Variants in CD247 observed in about 807,000 individuals in gnomAD.
CD247 encodes T-cell surface glycoprotein CD3 zeta chain.
CD247 carries 13 observed loss-of-function variants against 30.0 expected under a neutral mutation model. The ratio of observed to expected loss-of-function variants is 0.43; its 90% CI spans 0.28 to 0.69. The LOEUF is 0.69. CD247 is among the 30% of genes least tolerant of loss of function. The pLI is 0.16. For missense variants in CD247, 193 were observed against 212.6 expected (o/e 0.91, Z 0.57); for synonymous variants, 72 against 80.0 (o/e 0.90, Z 0.53).
At chr1:167,458,108 C>T (rs184662658) in intron 1 of CD247, among the ~76,000 whole-genome samples, 63 of 152,356 alleles carry the variant, frequency 4.1e-4, no homozygotes, top group Non-Finnish European at 7.5e-4. Flanking sequence ...TGTTTCTGTG[C>T]CTCCAAAATA....
At chr1:167,512,355 A>G (rs1365465308) in intron 1 of CD247, among the ~76,000 whole-genome samples, 1 of 152,148 alleles carries the variant, frequency 6.6e-6, no homozygotes, top group East Asian at 1.9e-4. Flanking sequence ...GAGGCAAGGA[A>G]GAAGGAAGTT....
intron 1 of CD247, among the ~76,000 whole-genome samples, chr1:167,452,000 A>C (rs2102011672): frequency 6.6e-6 from 1 of 152,306 alleles, no homozygotes; most frequent in Admixed American, 6.5e-5. Flanking sequence ...AGGCGGGTGG[A>C]TCACCTGAGG....
At chr1:167,463,369 T>A (rs1222243849) in intron 1 of CD247, among the ~76,000 whole-genome samples, 1 of 152,338 alleles carries the variant, frequency 6.6e-6, no homozygotes, top group Non-Finnish European at 1.5e-5. Flanking sequence ...GCAGTGCTCA[T>A]TCCTGCCTCC....
chr1:167,475,372 T>G (rs541817935), intron 1 of CD247, among the ~76,000 whole-genome samples: 11 of 152,024 alleles, frequency 7.2e-5, no homozygotes, highest in Non-Finnish European at 1.6e-4. Context: ...ATTTTATCTA[T>G]AAATAATAAA....
chr1:167,470,441 G>C (rs987864011), intron 1 of CD247, among the ~76,000 whole-genome samples: 6 of 150,300 alleles, frequency 4.0e-5, no homozygotes, highest in Admixed American at 3.3e-4. Flanking sequence ...TCCAAAACTG[G>C]GGGAAATATT....
At chr1:167,458,689 C>CTTTTTTTTTTTTTTT (rs3070395) in intron 1 of CD247, 2 of 95,426 alleles carry the variant, frequency 2.1e-5, no homozygotes, top group African/African-American at 9.3e-5. Context: ...TTCTTTCTTT[C>CTTTTTTTTTTTTTTT]TTTTTTTTTT....
intron 7 of CD247, among the ~76,000 whole-genome samples, chr1:167,432,557 A>T (rs2101984671): frequency 6.6e-6 from 1 of 152,324 alleles, no homozygotes; most frequent in Non-Finnish European, 1.5e-5. Flanking sequence ...ATTTGCAAAA[A>T]CCAGGCACCT....
chr1:167,484,952 T>C (rs1291633348), intron 1 of CD247, among the ~76,000 whole-genome samples: 2 of 152,198 alleles, frequency 1.3e-5, no homozygotes, highest in East Asian at 3.9e-4. Context: ...TGCCAGACTG[T>C]TCAGAGGTGA....
intron 1 of CD247, among the ~76,000 whole-genome samples, chr1:167,463,792 T>A (rs183890417): frequency 1.3e-3 from 200 of 152,400 alleles, no homozygotes; most frequent in African/African-American, 4.7e-3. Flanking sequence ...GTCAACCTAT[T>A]GCCTGAATTT....
rs550721415 is a variant in CD247, at chr1:167,490,241, C to A, written c.58+28167G>T. Among the ~76,000 whole-genome samples the A allele has an allele frequency of 1.1e-4, 16 of 152,348 alleles. No individual in the cohort carries two copies. In the East Asian group the frequency reaches 3.1e-3, roughly 29 times the overall value. ...TCCAGACTCTGCCTGCAAAGCTTCT[C>A]CACCTTCCCCGTCATCTGACCTCAT... On this transcript the variant is annotated intron_variant, in intron 1 of 7. Transcript: ENST00000362089.
At chr1:167,451,309 T>C (rs1652344005) in intron 1 of CD247, among the ~76,000 whole-genome samples, 1 of 152,328 alleles carries the variant, frequency 6.6e-6, no homozygotes, top group Admixed American at 6.5e-5. Context: ...AATATGGTAA[T>C]AACATTTCAA....
intron 1 of CD247, among the ~76,000 whole-genome samples, chr1:167,504,671 A>G (rs1269323749): frequency 6.6e-6 from 1 of 152,230 alleles, no homozygotes; most frequent in Non-Finnish European, 1.5e-5. Flanking sequence ...CCAGCAGAGA[A>G]GCAGAGATGC....
intron 1 of CD247, among the ~76,000 whole-genome samples, chr1:167,466,843 CTTTT>C (rs58330914): frequency 6.9e-6 from 1 of 144,886 alleles, no homozygotes; most frequent in Non-Finnish European, 1.5e-5. Flanking sequence ...TTATCCTCTT[CTTTT>C]TTTTTTTTTT....
At chr1:167,511,320 A>T (rs552459746) in intron 1 of CD247, among the ~76,000 whole-genome samples, 3 of 152,212 alleles carry the variant, frequency 2.0e-5, no homozygotes, top group Non-Finnish European at 4.4e-5. Context: ...CTCAAATATG[A>T]TTTAATTTAC....
chr1:167,490,347 G>A (rs1654395251), intron 1 of CD247, among the ~76,000 whole-genome samples: 1 of 152,130 alleles, frequency 6.6e-6, no homozygotes, highest in Admixed American at 6.5e-5. Context: ...ATTTGAGGCC[G>A]GGCGCGGTGG....
At chr1:167,453,182 TCA>T (rs1226337388) in intron 1 of CD247, among the ~76,000 whole-genome samples, 3 of 152,108 alleles carry the variant, frequency 2.0e-5, no homozygotes, top group Non-Finnish European at 2.9e-5. Flanking sequence ...CTCTACACTT[TCA>T]GTTTACAAAA....
intron 4 of CD247, 30 bp from the exon 5 acceptor site, chr1:167,435,464 G>A: frequency 1.3e-6 from 2 of 1,595,672 alleles, no homozygotes; most frequent in South Asian, 2.2e-5. Flanking sequence ...GACGTTAGAG[G>A]GAGAGAAACA....
At position 167,451,504 on chromosome 1, in the gene CD247, C is replaced by T. The variant is rs1489793042; in HGVS notation, c.59-10737G>A. On this transcript the variant is annotated intron_variant, in intron 1 of 7. Coordinates refer to ENST00000362089, the MANE Select transcript of CD247 (RefSeq NM_198053.3). ...ACATAGTCATTGTCATCTCTTCTTC[C>T]CCTGGTCCTCAAAACCAAGCTCTTC... is the stretch of plus-strand genomic sequence containing the variant. Among the ~76,000 whole-genome samples the T allele has an allele frequency of 3.3e-5, 5 of 152,142 alleles. 1 individual carries two copies. Among genetic ancestry groups the T allele is most frequent in the African/African-American group, 1.2e-4 (5 of 41,432 alleles).
chr1:167,504,255 AGCCCCG>A (rs1183344205), intron 1 of CD247, among the ~76,000 whole-genome samples: 2 of 152,002 alleles, frequency 1.3e-5, no homozygotes, highest in African/African-American at 2.4e-5. Flanking sequence ...ACATAAAACA[AGCCCCG>A]GCATCACAAG....
Sources: gnomAD v4.1 joint callset for allele counts (sites outside exome capture counted in the v4.1 genomes callset) on GRCh38, gnomAD v4.1.1 for gene constraint, MANE v1.5 for transcripts, NCBI Gene and HGNC (gene_info 2026-07-23, HGNC 2026-07-21) for gene names.